MICAL3: variants seen among roughly 807,000 people sequenced by gnomAD.
The protein encoded by MICAL3 is microtubule associated monooxygenase, calponin and LIM domain containing 3.
Under a neutral mutation model 207.4 loss-of-function variants are expected in MICAL3, and 62 were observed. The ratio of observed to expected loss-of-function variants is 0.30; its 90% CI spans 0.24 to 0.37. The LOEUF (loss-of-function observed/expected upper bound fraction) is 0.37. Ranked by LOEUF, MICAL3 falls within the 10% of genes least tolerant of loss-of-function variation. MICAL3 has a pLI of 1.00. For synonymous variants in MICAL3, 1,077 were observed against 1,069.3 expected (o/e 1.01, Z -0.14); for missense variants, 2,368 against 2,635.6 (o/e 0.90, Z 2.22).
At chr22:17,928,473 A>C (rs1305722751) in intron 1 of MICAL3, among the ~76,000 whole-genome samples, 3 of 150,984 alleles carry the variant, frequency 2.0e-5, no homozygotes. Context: ...AGAAAGAAAC[A>C]CCTGTCTGCA....
At chr22:17,947,620 C>T (rs1934136268) in intron 1 of MICAL3, among the ~76,000 whole-genome samples, 1 of 152,176 alleles carries the variant, frequency 6.6e-6, no homozygotes, top group Non-Finnish European at 1.5e-5. Flanking sequence ...TGCAGTGGTG[C>T]CATCATAGCT....
At chr22:17,802,172 C>T (rs2061947533) in intron 29 of MICAL3, among the ~76,000 whole-genome samples, 1 of 151,934 alleles carries the variant, frequency 6.6e-6, no homozygotes, top group African/African-American at 2.4e-5. Context: ...ATGTGATCCT[C>T]CCACCTTAGC....
chr22:18,023,186 TA>T (rs5844347), intron 1 of MICAL3, among the ~76,000 whole-genome samples: 93,530 of 149,878 alleles, frequency 0.62, 29,963 homozygotes, highest in African/African-American at 0.8. Flanking sequence ...CCTGGGAAGT[TA>T]AAAAAAAAAA....
chr22:17,859,692 T>A (rs1926307484), intron 19 of MICAL3, among the ~76,000 whole-genome samples: 1 of 152,346 alleles, frequency 6.6e-6, no homozygotes, highest in Middle Eastern at 3.4e-3. Flanking sequence ...CGGGCACGCC[T>A]GGCAGAGCCT....
At position 17,810,788 on chromosome 22, in the gene MICAL3, A is replaced by G. The variant is rs768939971; in HGVS notation, c.5471T>C (p.Leu1824Pro). ...REPRTYTEEE[L>P]NAKLTRRVQK... ...CACACGCCGGGTCAGCTTGGCATTC[A>G]GTTCCTCCTCCGTGTAGGTTCTTGG... is the stretch of plus-strand genomic sequence containing the variant. Residue 1824 changes from leucine to proline, a missense_variant, in exon 28 of 32, where the codon CTG becomes CCG. Transcript: ENST00000441493. 1.9e-6 allele frequency: 3 copies of G among 1,613,918 alleles called. No homozygotes were observed. The highest frequency in any genetic ancestry group is 2.5e-6 in the Non-Finnish European group (3 of 1,179,848).
chr22:17,934,660 G>T (rs553940852), intron 1 of MICAL3, among the ~76,000 whole-genome samples: 5 of 152,170 alleles, frequency 3.3e-5, no homozygotes, highest in African/African-American at 1.2e-4. Flanking sequence ...AAAAGAGGAA[G>T]TCAAATTGTC....
chr22:17,824,083 C>G (rs956125273), intron 22 of MICAL3, among the ~76,000 whole-genome samples: 10 of 144,962 alleles, frequency 6.9e-5, no homozygotes, highest in South Asian at 2.1e-4. Context: ...CCCCTAAGCA[C>G]GCACACACCG....
intron 1 of MICAL3, among the ~76,000 whole-genome samples, chr22:17,957,343 ATCT>A (rs1934665444): frequency 6.6e-6 from 1 of 152,206 alleles, no homozygotes; most frequent in Non-Finnish European, 1.5e-5. Context: ...TAAAAAGAAA[ATCT>A]TCTTTCATGC....
At chr22:17,838,374 C>G (rs1923621213) in intron 20 of MICAL3, among the ~76,000 whole-genome samples, 1 of 152,202 alleles carries the variant, frequency 6.6e-6, no homozygotes, top group Admixed American at 6.5e-5. Context: ...GAGCCAAACC[C>G]AAGTCCCGGC....
At chr22:17,891,731 T>G (rs1371386846) in intron 11 of MICAL3, 99 bp from the exon 12 acceptor site, 7 of 1,193,184 alleles carry the variant, frequency 5.9e-6, no homozygotes, top group Non-Finnish European at 7.2e-6. Flanking sequence ...GAAAAATTAC[T>G]GAGGGTAGGG....
intron 21 of MICAL3, 74 bp downstream of exon 21, chr22:17,831,780 C>T: frequency 6.6e-7 from 1 of 1,504,722 alleles, no homozygotes; most frequent in Non-Finnish European, 8.9e-7. Context: ...GCCCCAGAAA[C>T]CTCTTACACT....
At chr22:17,833,028 G>T (rs1922972212) in intron 20 of MICAL3, among the ~76,000 whole-genome samples, 1 of 152,182 alleles carries the variant, frequency 6.6e-6, no homozygotes, top group South Asian at 2.1e-4. Flanking sequence ...CCTCACAGCT[G>T]CAGGCAAGCG....
intron 16 of MICAL3, among the ~76,000 whole-genome samples, chr22:17,873,513 T>C (rs758097180): frequency 6.6e-6 from 1 of 152,214 alleles, no homozygotes; most frequent in African/African-American, 2.4e-5. Flanking sequence ...ATGAGGCCCG[T>C]GTGGCCCATC....
At chr22:17,891,658 T>G in intron 11 of MICAL3, 26 bp from the exon 12 acceptor site, 1 of 1,609,154 alleles carries the variant, frequency 6.2e-7, no homozygotes, top group Non-Finnish European at 8.5e-7. Context: ...ACAGTATTAT[T>G]GGAGGTGTGG....
chr22:17,999,060 A>G (rs73392451), intron 1 of MICAL3, among the ~76,000 whole-genome samples: 6,830 of 152,260 alleles, frequency 0.045, 495 homozygotes, highest in African/African-American at 0.15. Context: ...CACTCTGCCA[A>G]TGGTCAGGCT....
At chr22:17,936,510 C>T (rs749258519) in intron 1 of MICAL3, among the ~76,000 whole-genome samples, 17 of 151,234 alleles carry the variant, frequency 1.1e-4, no homozygotes, top group Admixed American at 4.0e-4. Flanking sequence ...ACCAACATGG[C>T]ACGTGTATAC....
At chr22:17,886,349 TAAAC>T (rs1929868180) in intron 15 of MICAL3, among the ~76,000 whole-genome samples, 1 of 152,166 alleles carries the variant, frequency 6.6e-6, no homozygotes, top group South Asian at 2.1e-4. Context: ...TCTGGAAAAT[TAAAC>T]AAAGGCAAAC....
At chr22:17,885,328 G>A (rs1602144637) in intron 16 of MICAL3, among the ~76,000 whole-genome samples, 1 of 152,214 alleles carries the variant, frequency 6.6e-6, no homozygotes, top group Non-Finnish European at 1.5e-5. Flanking sequence ...AGAGAAGCCT[G>A]ATGCCCACAC....
At chr22:17,832,644 A>T (rs1222537516) in intron 20 of MICAL3, among the ~76,000 whole-genome samples, 1 of 152,178 alleles carries the variant, frequency 6.6e-6, no homozygotes, top group African/African-American at 2.4e-5. Flanking sequence ...TTGAGAATGG[A>T]AAGTCTTCTC....
Sources: gnomAD v4.1 joint callset for allele counts (sites outside exome capture counted in the v4.1 genomes callset) on GRCh38, gnomAD v4.1.1 for gene constraint, MANE v1.5 for transcripts, NCBI Gene and HGNC (gene_info 2026-07-23, HGNC 2026-07-21) for gene names.